Variants in HIVEP1 observed in about 807,000 individuals in gnomAD.
HIVEP1 encodes HIVEP zinc finger 1.
A neutral mutation model predicts 180.0 loss-of-function variants in HIVEP1; 36 were observed. The observed-to-expected ratio is 0.20, with a 90% CI of 0.15 to 0.26. HIVEP1 has a LOEUF of 0.26. Ranked by LOEUF, HIVEP1 falls within the 10% of genes least tolerant of loss-of-function variation. The probability of loss-of-function intolerance (pLI) is 1.00; values close to 1 mark genes in which losing one functional copy is unlikely to be tolerated. For missense variants in HIVEP1, 3,143 were observed against 3,268.7 expected (o/e 0.96, Z 0.94); for synonymous variants, 1,239 against 1,239.0 (o/e 1.00, Z 0.00).
intron 2 of HIVEP1, chr6:12,038,172 C>T (rs1053068587): frequency 2.5e-5 from 4 of 162,810 alleles, no homozygotes; most frequent in Admixed American, 6.4e-5. Flanking sequence ...AATAGTTATT[C>T]GGGGCTTTAT....
the HIVEP1 span, among the ~76,000 whole-genome samples, chr6:12,174,539 C>A: frequency 6.6e-6 from 1 of 152,080 alleles, no homozygotes; most frequent in South Asian, 2.1e-4. Context: ...ACACAGGGAC[C>A]CCAGGGACCA....
intron 3 of HIVEP1, among the ~76,000 whole-genome samples, chr6:12,113,849 C>T (rs1581707999): frequency 6.6e-6 from 1 of 152,182 alleles, no homozygotes; most frequent in African/African-American, 2.4e-5. Flanking sequence ...AAACTTCTCC[C>T]AGGCATTTCC....
intron 2 of HIVEP1, among the ~76,000 whole-genome samples, chr6:12,054,374 A>G (rs946460575): frequency 2.0e-5 from 3 of 152,242 alleles, no homozygotes; most frequent in African/African-American, 7.2e-5. Flanking sequence ...CCATCCAGAA[A>G]TAACTACTAT....
At chr6:12,170,391 C>T in the HIVEP1 span, among the ~76,000 whole-genome samples, 2 of 152,176 alleles carry the variant, frequency 1.3e-5, no homozygotes, top group South Asian at 4.2e-4. Context: ...ACAGAACAGA[C>T]AGAAGCACTG....
intron 2 of HIVEP1, among the ~76,000 whole-genome samples, chr6:12,086,987 T>C (rs1003618918): frequency 6.6e-6 from 1 of 152,112 alleles, no homozygotes; most frequent in Non-Finnish European, 1.5e-5. Flanking sequence ...ACAGGAATTG[T>C]AATAAAACTT....
chr6:12,016,639 ATC>A (rs1767769982), intron 2 of HIVEP1, among the ~76,000 whole-genome samples: 1 of 152,194 alleles, frequency 6.6e-6, no homozygotes, highest in East Asian at 1.9e-4. Flanking sequence ...CTGTCTAGAA[ATC>A]TCTGTTGCCT....
chr6:12,178,829 G>A, the HIVEP1 span, among the ~76,000 whole-genome samples: 1 of 152,198 alleles, frequency 6.6e-6, no homozygotes, highest in Middle Eastern at 3.2e-3. Flanking sequence ...CTGAAAAATT[G>A]TGAAGAACCT....
chr6:12,180,964 A>G, the HIVEP1 span, among the ~76,000 whole-genome samples: 1 of 152,238 alleles, frequency 6.6e-6, no homozygotes. Flanking sequence ...GGTCAGTTTC[A>G]TAGGTCAACA....
At position 12,099,653 on chromosome 6, in the gene HIVEP1, C is replaced by T. The variant is rs559639651; in HGVS notation, c.94+10416C>T. Among the ~76,000 whole-genome samples, 6 of 152,176 alleles carry T rather than the reference C, an allele frequency of 3.9e-5. 1 individual carries two copies. In the South Asian group the frequency reaches 1.0e-3, roughly 26 times the overall value. ...TGCCTGGGGTCTCCTCACATCTTCC[C>T]CTATACAGTTTTGCCCACAGTCATA... is the stretch of plus-strand genomic sequence containing the variant. On this transcript the variant is annotated intron_variant, in intron 3 of 8. Transcript: ENST00000379388.
At chr6:12,093,589 G>A (rs1413352229) in intron 3 of HIVEP1, among the ~76,000 whole-genome samples, 5 of 151,378 alleles carry the variant, frequency 3.3e-5, no homozygotes, top group African/African-American at 9.7e-5. Context: ...TAGGATTCAA[G>A]TTTCTTTTTT....
chr6:12,058,714 C>T (rs775639358), intron 2 of HIVEP1, among the ~76,000 whole-genome samples: 3 of 152,098 alleles, frequency 2.0e-5, no homozygotes, highest in Non-Finnish European at 4.4e-5. Flanking sequence ...GCAGCCCAGG[C>T]GCAAACAGCT....
the HIVEP1 span, among the ~76,000 whole-genome samples, chr6:12,179,461 TAAAG>T: frequency 6.6e-6 from 1 of 152,120 alleles, no homozygotes; most frequent in Admixed American, 6.5e-5. Flanking sequence ...AGCCAGAAAA[TAAAG>T]AGACGGATAG....
chr6:12,135,330 G>C (rs1213338004), intron 6 of HIVEP1, among the ~76,000 whole-genome samples: 2 of 152,122 alleles, frequency 1.3e-5, no homozygotes, highest in East Asian at 3.8e-4. Flanking sequence ...TGCAACCCAG[G>C]GTACTTAGGA....
the HIVEP1 span, among the ~76,000 whole-genome samples, chr6:12,195,669 T>A: frequency 2.0e-5 from 3 of 152,262 alleles, no homozygotes; most frequent in African/African-American, 7.2e-5. Flanking sequence ...AGAATTTAAC[T>A]ACTGGTTGTC....
intron 3 of HIVEP1, among the ~76,000 whole-genome samples, chr6:12,115,667 T>G (rs1271173903): frequency 6.6e-6 from 1 of 152,160 alleles, no homozygotes; most frequent in Non-Finnish European, 1.5e-5. Flanking sequence ...AATCTTTCTC[T>G]TCCCTTCCCA....
intron 3 of HIVEP1, among the ~76,000 whole-genome samples, chr6:12,112,764 C>T (rs1057374896): frequency 6.6e-6 from 1 of 152,100 alleles, no homozygotes; most frequent in Non-Finnish European, 1.5e-5. Context: ...GGGAGGGTTG[C>T]TCCATCTCCT....
intron 2 of HIVEP1, among the ~76,000 whole-genome samples, chr6:12,022,908 T>C (rs913544278): frequency 7.2e-5 from 11 of 152,240 alleles, no homozygotes; most frequent in African/African-American, 2.7e-4. Context: ...AATGTGCTGC[T>C]CCCTCCATTT....
In HIVEP1 at chr6:12,120,217, C is replaced by A. The variant is rs377493934; in HGVS notation, c.422C>A (p.Ser141Tyr). 1 of 1,614,090 alleles carries A rather than the reference C, an allele frequency of 6.2e-7. No homozygotes were observed. The highest frequency in any genetic ancestry group is 1.3e-5 in the African/African-American group (1 of 74,940). ...AAGCCCTTGTTTCTGCAGCAACCAT[C>A]TGAACTGCGTAGATGGAGATCCGAA... is the stretch of plus-strand genomic sequence containing the variant. Reference protein sequence around the residue: ...PKKPLFLQQPSELRRWRSEGA... With the variant: ...PKKPLFLQQPYELRRWRSEGA... The change falls in exon 4 of 9, where the codon TCT (serine) becomes TAT (tyrosine). Residue 141 changes from serine to tyrosine, a missense_variant. Around this residue, in one of 12 missense-constraint regions of HIVEP1, gnomAD observed 306 missense variants for 310.6 expected, o/e 0.99. Transcript: ENST00000379388.
Position 12,120,254 on chromosome 6 carries a change from T to C in HIVEP1, c.459T>C (p.Pro153=). 1 of 1,614,210 alleles carries C rather than the reference T, an allele frequency of 6.2e-7. No homozygotes were observed. Among genetic ancestry groups the C allele is most frequent in the Non-Finnish European group, 8.5e-7 (1 of 1,180,020 alleles). The change falls in exon 4 of 9, where the codon CCT becomes CCC. Residue 153 remains proline, a synonymous_variant. Coordinates refer to ENST00000379388, the MANE Select transcript of HIVEP1 (RefSeq NM_002114.4). ...GATGGAGATCCGAAGGCGCTGATCC[T>C]GCCAAATTCAGTGACCTCGATGAAC... is the stretch of plus-strand genomic sequence containing the variant. ...LRRWRSEGAD[P]AKFSDLDEQC... is the part of the protein sequence containing the mutation.
Sources: gnomAD v4.1 joint callset for allele counts (sites outside exome capture counted in the v4.1 genomes callset) on GRCh38, gnomAD v4.1.1 for gene constraint, gnomAD v4.1.1 regional missense constraint, MANE v1.5 for transcripts, NCBI Gene and HGNC (gene_info 2026-07-23, HGNC 2026-07-21) for gene names.